MAD2L1BP: variants seen among roughly 807,000 people sequenced by gnomAD.
MAD2L1BP encodes MAD2L1-binding protein.
MAD2L1BP carries 22 observed loss-of-function variants against 28.4 expected under a neutral mutation model. The observed-to-expected ratio is 0.77, with a 90% CI of 0.55 to 1.10. MAD2L1BP has a LOEUF of 1.10. Ranked by LOEUF, MAD2L1BP falls within the 50% of genes least tolerant of loss-of-function variation. MAD2L1BP has a pLI of 0.00. For missense variants in MAD2L1BP, 325 were observed against 350.5 expected, an observed-to-expected ratio of 0.93 and a Z score of 0.58; for synonymous variants, 146 against 133.7, an observed-to-expected ratio of 1.09 and a Z score of -0.63.
At chr6:43,636,192 TCTC>T (rs1484980445) in intron 1 of MAD2L1BP, among the ~76,000 whole-genome samples, 186 bp from the exon 2 acceptor site, 22 of 151,958 alleles carry the variant, frequency 1.4e-4, no homozygotes, top group South Asian at 6.2e-4. Context: ...GTCGATTAAA[TCTC>T]CTCAGGCAAC....
In MAD2L1BP at chr6:43,639,347, G is replaced by A. The variant is rs2127867908; in HGVS notation, c.313-674G>A. Among the ~76,000 whole-genome samples, 3 of 152,236 alleles carry A rather than the reference G, an allele frequency of 2.0e-5. No individual in the cohort carries two copies. The South Asian group carries it at 6.2e-4, about 32-fold the overall frequency. Reference sequence around the variant, plus strand: ...GTAGAGACAGGGTTTCGCCATGTTAGCCAGGATGGTCTTGATCTCCTGACC... The same window carrying A: ...GTAGAGACAGGGTTTCGCCATGTTAACCAGGATGGTCTTGATCTCCTGACC... On this transcript the variant is annotated intron_variant, in intron 2 of 2. Coordinates refer to ENST00000372171, the MANE Select transcript of MAD2L1BP (RefSeq NM_014628.3).
chr6:43,635,680 G>A (rs1356387116), upstream of MAD2L1BP: 3 of 544,534 alleles, frequency 5.5e-6, no homozygotes, highest in East Asian at 3.5e-5. Context: ...CTGGGCAAGG[G>A]TTAGGCGTAC....
chr6:43,636,038 G>A (rs1770199036), intron 1 of MAD2L1BP, 117 bp downstream of exon 1: 1 of 1,077,548 alleles, frequency 9.3e-7, no homozygotes. Flanking sequence ...CTGTCTTCCG[G>A]GTGTCCTACA....
In MAD2L1BP at chr6:43,640,628, C is replaced by G. The variant is rs1692122487; in HGVS notation, c.*95C>G. 3 of 1,381,110 alleles carry G rather than the reference C, an allele frequency of 2.2e-6. No homozygotes were observed. In the Admixed American group the frequency reaches 7.5e-5, roughly 35 times the overall value. The allele number at this position is 1,381,110 out of a possible 1,614,324, so 85.6% of individuals were successfully genotyped here. ...TCTGGTTTGGAGCTAGAGTTGCTTC[C>G]TGGTGAGAGAGGAAGCAACTCTCCT... On this transcript the variant is annotated 3_prime_UTR_variant, in exon 3 of 3. Coordinates refer to ENST00000372171, the MANE Select transcript of MAD2L1BP (RefSeq NM_014628.3).
chr6:43,638,313 G>A (rs1229419355), intron 2 of MAD2L1BP, among the ~76,000 whole-genome samples: 1 of 151,982 alleles, frequency 6.6e-6, no homozygotes, highest in Non-Finnish European at 1.5e-5. Flanking sequence ...AAGTGTTGTT[G>A]GGATTACAGG....
upstream of MAD2L1BP, chr6:43,633,197 G>A (rs750344939): frequency 1.1e-4 from 47 of 430,164 alleles, no homozygotes; most frequent in South Asian, 7.6e-4. Flanking sequence ...TTTCCAGGCG[G>A]AGTCTCACTC....
chr6:43,639,632 A>G (rs544367431), intron 2 of MAD2L1BP, among the ~76,000 whole-genome samples: 20 of 152,280 alleles, frequency 1.3e-4, no homozygotes, highest in South Asian at 2.1e-4. Context: ...TCAGTTTACT[A>G]TGTTTAAGTG....
At chr6:43,629,808 A>AT in intron 1 of MAD2L1BP, 1 of 1,555,480 alleles carries the variant, frequency 6.4e-7, no homozygotes, top group Non-Finnish European at 8.7e-7. Flanking sequence ...GCGGATGGTG[A>AT]TTAGCCAAAT....
chr6:43,633,578 T>C (rs1770045149), upstream of MAD2L1BP, among the ~76,000 whole-genome samples: 1 of 152,046 alleles, frequency 6.6e-6, no homozygotes, highest in South Asian at 2.1e-4. Flanking sequence ...TTTATTTATT[T>C]ATTTATTGGT....
At position 43,640,783 on chromosome 6, in the gene MAD2L1BP, G is replaced by A. The variant is rs1386233474; in HGVS notation, c.*250G>A. On this transcript the variant is annotated 3_prime_UTR_variant, in exon 3 of 3. Coordinates refer to ENST00000372171, the MANE Select transcript of MAD2L1BP (RefSeq NM_014628.3). ...ATTTTCCCAGAGGGTGCTGGGTCAG[G>A]CATTTCTATTAGGAGTTGGAAAGCA... 2 of 452,734 alleles carry A rather than the reference G, an allele frequency of 4.4e-6. No homozygotes were observed. Among genetic ancestry groups the A allele is most frequent in the Non-Finnish European group, 7.8e-6 (2 of 256,552 alleles). The allele number at this position is 452,734 out of a possible 1,614,324, so 28.0% of individuals were successfully genotyped here.
intron 2 of MAD2L1BP, among the ~76,000 whole-genome samples, chr6:43,639,104 G>A (rs929157158): frequency 1.3e-5 from 2 of 151,816 alleles, no homozygotes; most frequent in Non-Finnish European, 2.9e-5. Context: ...TCAGCACTTG[G>A]TATTCAGCTC....
At chr6:43,638,720 C>T (rs540287378) in intron 2 of MAD2L1BP, among the ~76,000 whole-genome samples, 12 of 151,614 alleles carry the variant, frequency 7.9e-5, no homozygotes, top group Admixed American at 5.9e-4. Flanking sequence ...GGTGTGAACC[C>T]GGGAGGCGGA....
upstream of MAD2L1BP, among the ~76,000 whole-genome samples, chr6:43,632,749 G>A (rs1376650736): frequency 1.0e-4 from 15 of 150,112 alleles, no homozygotes; most frequent in African/African-American, 3.0e-4. Context: ...AGCCGGGTGC[G>A]GTGGCTCACT....
In MAD2L1BP at chr6:43,636,826, GTTCT is replaced by G. The variant is rs2127862093; in HGVS notation, c.312+189_312+192del. The G allele has an allele frequency of 5.9e-6, 4 of 683,148 alleles. No homozygotes were observed. In the South Asian group the frequency reaches 5.9e-5, roughly 10 times the overall value. The allele number at this position is 683,148 out of a possible 1,614,324, so 42.3% of individuals were successfully genotyped here. Reference sequence around the variant, plus strand: ...CCTAACCCTTCTGGCTTTTTCAACTGTTCTTTCTTTCTGAAACTCACGTGTTGCA... The same window carrying G: ...CCTAACCCTTCTGGCTTTTTCAACTGTTCTTTCTGAAACTCACGTGTTGCA... On this transcript the variant is annotated intron_variant, in intron 2 of 2. Transcript: ENST00000372171.
At chr6:43,639,652 G>C (rs1339242453) in intron 2 of MAD2L1BP, among the ~76,000 whole-genome samples, 1 of 152,184 alleles carries the variant, frequency 6.6e-6, no homozygotes, top group African/African-American at 2.4e-5. Flanking sequence ...GGAAGAACAA[G>C]TTCAAAGTCA....
chr6:43,638,773 GC>G (rs1359670172), intron 2 of MAD2L1BP, among the ~76,000 whole-genome samples: 15 of 151,818 alleles, frequency 9.9e-5, no homozygotes, highest in African/African-American at 3.6e-4. Context: ...TCCAGCCTGG[GC>G]GAAAGAGCGA....
chr6:43,636,317 T>G (rs1770215996), intron 1 of MAD2L1BP, 64 bp from the exon 2 acceptor site: 6 of 1,567,090 alleles, frequency 3.8e-6, no homozygotes, highest in Non-Finnish European at 5.2e-6. Context: ...CCACAGGGAA[T>G]GAGAAGACTG....
chr6:43,635,725 C>T (rs1167603565), upstream of MAD2L1BP: 24 of 706,730 alleles, frequency 3.4e-5, no homozygotes, highest in Non-Finnish European at 5.0e-5. Context: ...ACGCAGGGTT[C>T]AAATCCCAGC....
At chr6:43,634,092 A>G (rs1561930002), upstream of MAD2L1BP, among the ~76,000 whole-genome samples, 1 of 151,696 alleles carries the variant, frequency 6.6e-6, no homozygotes. Flanking sequence ...TCATTATCCT[A>G]TGGAGATGTC....
Sources: allele counts gnomAD v4.1 joint callset (sites outside exome capture counted in the v4.1 genomes callset), GRCh38; gene constraint gnomAD v4.1.1; transcripts MANE v1.5; gene names NCBI Gene and HGNC (gene_info 2026-07-23, HGNC 2026-07-21).